The following PTCD2 variants were observed in gnomAD, a reference collection of about 807,000 sequenced individuals.
PTCD2 encodes the protein pentatricopeptide repeat-containing protein 2, mitochondrial.
Under a neutral mutation model 42.6 loss-of-function variants are expected in PTCD2, and 31 were observed. The observed-to-expected ratio is 0.73, with a 90% CI of 0.55 to 0.98. The LOEUF (loss-of-function observed/expected upper bound fraction) is 0.98. PTCD2 is among the 50% of genes least tolerant of loss of function. The pLI is 0.00. For synonymous variants in PTCD2, 183 were observed against 170.9 expected (o/e 1.07, Z -0.55); for missense variants, 476 against 454.8 (o/e 1.05, Z -0.42).
At chr5:72,341,199 C>G (rs1752040569) in intron 7 of PTCD2, among the ~76,000 whole-genome samples, 3 of 152,116 alleles carry the variant, frequency 2.0e-5, no homozygotes, top group African/African-American at 7.2e-5. Flanking sequence ...CCATGTTGGC[C>G]ATGCCCAGCT....
rs1353045502 is a variant in PTCD2 at position 72,322,173 on chromosome 5, T to G, written c.129T>G (p.Ala43=). 2.6e-6 allele frequency: 4 copies of G among 1,540,030 alleles called. No individual in the cohort carries two copies. The East Asian group carries it at 9.0e-5, about 35-fold the overall frequency. Residue 43 remains alanine (A), a splice_region_variant and synonymous_variant, in exon 2 of 10, where the codon GCT becomes GCG. Coordinates refer to ENST00000380639, the MANE Select transcript of PTCD2 (RefSeq NM_024754.5). Reference sequence around the variant, plus strand: ...CTTTTTTCTTTCTCTGATTTTTAGCTAAAAGATACCTACTTACAGATAATG... The same window carrying G: ...CTTTTTTCTTTCTCTGATTTTTAGCGAAAAGATACCTACTTACAGATAATG... ...GSVSCRCPLG[A]KRYLLTDNVV...
rs186598425 is a variant in PTCD2, at chr5:72,357,963, A to G, written c.943-240A>G. Among the ~76,000 whole-genome samples, 251 of 152,042 alleles carry G rather than the reference A, an allele frequency of 1.7e-3. 1 individual carries two copies. Among genetic ancestry groups the G allele is most frequent in the Non-Finnish European group, 2.0e-3 (133 of 67,986 alleles). On this transcript the variant is annotated intron_variant, in intron 9 of 9. Coordinates refer to ENST00000380639, the MANE Select transcript of PTCD2 (RefSeq NM_024754.5). Reference sequence around the variant, plus strand: ...AGTGATCCTCCCACTACACCAACTAATTTTTAAAAAAATTTTTTTACAGAC... The same window carrying G: ...AGTGATCCTCCCACTACACCAACTAGTTTTTAAAAAAATTTTTTTACAGAC...
intron 8 of PTCD2, among the ~76,000 whole-genome samples, chr5:72,346,942 G>A (rs1049893806): frequency 6.6e-6 from 1 of 152,196 alleles, no homozygotes; most frequent in Non-Finnish European, 1.5e-5. Context: ...TTGAAGCAAG[G>A]TTGAGGGTTT....
At chr5:72,347,968 A>G (rs1001456751) in intron 8 of PTCD2, among the ~76,000 whole-genome samples, 5 of 152,220 alleles carry the variant, frequency 3.3e-5, no homozygotes, top group Non-Finnish European at 7.3e-5. Flanking sequence ...AGTGATACTG[A>G]GTATGAATCA....
chr5:72,337,737 G>A (rs1751830375), intron 6 of PTCD2, among the ~76,000 whole-genome samples: 1 of 152,174 alleles, frequency 6.6e-6, no homozygotes, highest in Non-Finnish European at 1.5e-5. Flanking sequence ...ACGTTGCGGT[G>A]AGCTGAAATC....
intron 9 of PTCD2, among the ~76,000 whole-genome samples, chr5:72,356,904 G>A (rs1037050102): frequency 6.6e-6 from 1 of 152,188 alleles, no homozygotes; most frequent in Non-Finnish European, 1.5e-5. Flanking sequence ...GAGGGGCAAA[G>A]GATTTATTAG....
At chr5:72,335,939 G>A in intron 6 of PTCD2, 54 bp downstream of exon 6, 1 of 1,027,990 alleles carries the variant, frequency 9.7e-7, no homozygotes, top group Non-Finnish European at 1.5e-6. Context: ...TTTGAGAGAG[G>A]ATTTTTCTTC....
chr5:72,343,041 G>A lies in PTCD2; in HGVS notation c.828+5G>A. 1 of 1,524,826 alleles carries A rather than the reference G, an allele frequency of 6.6e-7. No individual in the cohort carries two copies. Among genetic ancestry groups the A allele is most frequent in the Non-Finnish European group, 9.0e-7 (1 of 1,114,524 alleles). 94.5% of individuals were successfully genotyped at this position (1,524,826 alleles called of 1,614,324 possible). A position where few individuals can be genotyped will look rare whatever the true frequency, so the allele number is the denominator to read the frequency against. On this transcript the variant is annotated splice_donor_5th_base_variant and intron_variant, in intron 8 of 9. Coordinates refer to ENST00000380639, the MANE Select transcript of PTCD2 (RefSeq NM_024754.5). ...ATAGCCTGCATTAATTTAAATGTAA[G>A]TGATTTCTTTATGGTTTAAGGTAAG...
At chr5:72,331,130 C>G (rs1228778523) in intron 3 of PTCD2, 128 bp from the exon 4 acceptor site, 6 of 683,360 alleles carry the variant, frequency 8.8e-6, no homozygotes, top group South Asian at 1.8e-5. Flanking sequence ...CATTTCTCCC[C>G]CTCCAGACTG....
chr5:72,339,789 A>G (rs150279734), intron 7 of PTCD2, among the ~76,000 whole-genome samples: 6 of 151,962 alleles, frequency 3.9e-5, no homozygotes, highest in African/African-American at 1.5e-4. Context: ...TGAATCCCTC[A>G]CTTTAGCATT....
At position 72,344,830 on chromosome 5, in the gene PTCD2, A is replaced by G. The variant is rs538125988; in HGVS notation, c.828+1794A>G. Among the ~76,000 whole-genome samples the G allele has an allele frequency of 7.3e-3, 1,118 of 152,214 alleles. 13 individuals carry two copies. Among genetic ancestry groups the G allele is most frequent in the African/African-American group, 0.026 (1,069 of 41,544 alleles). ...TTTTTATTAGTGATTTCAAAAGGGGAGGGAGTGTATGAATAGGGTGTGGGT... is the reference window on the plus strand; with the variant it reads ...TTTTTATTAGTGATTTCAAAAGGGGGGGGAGTGTATGAATAGGGTGTGGGT... On this transcript the variant is annotated intron_variant, in intron 8 of 9. Transcript: ENST00000380639.
intron 7 of PTCD2, among the ~76,000 whole-genome samples, chr5:72,341,858 C>T (rs1218119230): frequency 1.1e-4 from 16 of 151,780 alleles, no homozygotes; most frequent in African/African-American, 2.7e-4. Context: ...CTGACTAACA[C>T]GGTAAAACCC....
chr5:72,351,274 T>G (rs75556679), intron 8 of PTCD2, among the ~76,000 whole-genome samples: 3,874 of 152,284 alleles, frequency 0.025, 179 homozygotes, highest in African/African-American at 0.088. Flanking sequence ...AAGATAGTTG[T>G]GCACAAGTTG....
chr5:72,322,149 T>C, intron 1 of PTCD2, 23 bp from the exon 2 acceptor site: 1 of 1,337,438 alleles, frequency 7.5e-7, no homozygotes, highest in Non-Finnish European at 1.1e-6. Context: ...ATGACTTTAC[T>C]TTTTTCTTTC....
rs184219877 is a variant in PTCD2 at position 72,344,653 on chromosome 5, C to T, written c.828+1617C>T. On this transcript the variant is annotated intron_variant, in intron 8 of 9. Transcript: ENST00000380639. Reference sequence around the variant, plus strand: ...TGGGGGAACCTGCCCCCAATAGTCACGTAGGTTCTTTTCTATTTTCCCTAA... The same window carrying T: ...TGGGGGAACCTGCCCCCAATAGTCATGTAGGTTCTTTTCTATTTTCCCTAA... 2.9e-4 allele frequency among the ~76,000 whole-genome samples: 44 copies of T among 152,196 alleles called. 1 individual carries two copies. Among genetic ancestry groups the T allele is most frequent in the Non-Finnish European group, 4.9e-4 (33 of 68,006 alleles).
intron 9 of PTCD2, among the ~76,000 whole-genome samples, chr5:72,356,614 G>A (rs1339215869): frequency 6.6e-6 from 1 of 152,132 alleles, no homozygotes; most frequent in East Asian, 1.9e-4. Flanking sequence ...CAGGACTATT[G>A]AAAATAATTG....
chr5:72,339,110 G>A (rs1751911990), intron 7 of PTCD2, among the ~76,000 whole-genome samples: 1 of 152,208 alleles, frequency 6.6e-6, no homozygotes, highest in African/African-American at 2.4e-5. Context: ...GTAGAAATGG[G>A]ATCCATCACA....
Position 72,358,678 on chromosome 5 carries a change from G to C in PTCD2, c.*251G>C. The C allele has an allele frequency of 1.9e-6, 1 of 519,450 alleles. No individual in the cohort carries two copies. The allele number at this position is 519,450 out of a possible 1,614,324, so 32.2% of individuals were successfully genotyped here. On this transcript the variant is annotated 3_prime_UTR_variant, in exon 10 of 10. Coordinates refer to ENST00000380639, the MANE Select transcript of PTCD2 (RefSeq NM_024754.5). ...TTTGCATGGCTGAGGATCCTTGAAG[G>C]AACCTGGTCAGTCTCCGGTTCAGCT...
chr5:72,326,454 AGAG>A (rs1483940698), intron 2 of PTCD2, among the ~76,000 whole-genome samples, 155 bp from the exon 3 acceptor site: 1 of 152,104 alleles, frequency 6.6e-6, no homozygotes, highest in South Asian at 2.1e-4. Context: ...ATGCTGTTCT[AGAG>A]GAGATTGGCC....
Sources: allele counts gnomAD v4.1 joint callset (sites outside exome capture counted in the v4.1 genomes callset), GRCh38; gene constraint gnomAD v4.1.1; transcripts MANE v1.5; gene names NCBI Gene and HGNC (gene_info 2026-07-23, HGNC 2026-07-21).